ESRRB: variants seen among roughly 807,000 people sequenced by gnomAD.
ESRRB encodes estrogen related receptor beta, also known as steroid hormone receptor ERR2.
Under a neutral mutation model 46.0 loss-of-function variants are expected in ESRRB, and 16 were observed. The observed-to-expected ratio is 0.35, with a 90% CI of 0.24 to 0.53. The LOEUF (loss-of-function observed/expected upper bound fraction) is 0.53. Ranked by LOEUF, ESRRB falls within the 20% of genes least tolerant of loss-of-function variation. ESRRB has a pLI of 0.93. For missense variants in ESRRB, 488 were observed against 607.4 expected, an observed-to-expected ratio of 0.80 and a Z score of 2.07; for synonymous variants, 246 against 259.6, an observed-to-expected ratio of 0.95 and a Z score of 0.50.
At chr14:76,322,629 C>T (rs1251441148) in intron 1 of ESRRB, among the ~76,000 whole-genome samples, 5 of 152,216 alleles carry the variant, frequency 3.3e-5, no homozygotes, top group East Asian at 1.9e-4. Flanking sequence ...TCACCTCTCC[C>T]ACCACCAATA....
chr14:76,498,587 G>C lies in ESRRB; in HGVS notation c.*129G>C. 2 of 1,436,594 alleles carry C rather than the reference G, an allele frequency of 1.4e-6. No homozygotes were observed. The highest frequency in any genetic ancestry group is 1.9e-6 in the Non-Finnish European group (2 of 1,075,594). The allele number at this position is 1,436,594 out of a possible 1,614,324, so 89.0% of individuals were successfully genotyped here. The stretch of plus-strand genomic sequence containing the variant: ...GGCTCTGAGCTGTCCCAGAGGCGGG[G>C]GTTTCTCACCTCCTGGCTGTGTGCA... On this transcript the variant is annotated 3_prime_UTR_variant, in exon 7 of 7. Coordinates refer to ENST00000644823, the MANE Select transcript of ESRRB (RefSeq NM_001379180.1).
At chr14:76,361,868 C>A (rs1331548926) in intron 1 of ESRRB, among the ~76,000 whole-genome samples, 1 of 152,190 alleles carries the variant, frequency 6.6e-6, no homozygotes, top group Non-Finnish European at 1.5e-5. Context: ...AGGTGCCGTG[C>A]TGCAGTCACA....
At chr14:76,337,471 T>A (rs762503109) in intron 1 of ESRRB, among the ~76,000 whole-genome samples, 4 of 152,096 alleles carry the variant, frequency 2.6e-5, no homozygotes, top group Non-Finnish European at 5.9e-5. Context: ...CACTCATACA[T>A]CGTGACTTCC....
At chr14:76,375,888 TC>T (rs1375815323), upstream of ESRRB, among the ~76,000 whole-genome samples, 10 of 97,578 alleles carry the variant, frequency 1.0e-4, no homozygotes, top group African/African-American at 4.1e-4. Context: ...GGTTGGACAT[TC>T]CCCCCCACCC....
At chr14:76,448,356 C>T (rs1170047658) in intron 2 of ESRRB, among the ~76,000 whole-genome samples, 1 of 140,688 alleles carries the variant, frequency 7.1e-6, no homozygotes, top group East Asian at 2.1e-4. Flanking sequence ...GAGACCGAGT[C>T]TCCCTCTTGT....
intron 2 of ESRRB, among the ~76,000 whole-genome samples, chr14:76,454,544 C>G (rs1380607094): frequency 6.6e-6 from 1 of 152,070 alleles, no homozygotes; most frequent in Admixed American, 6.5e-5. Context: ...GAGGAGCTGG[C>G]CAGGAGGACC....
chr14:76,320,652 C>G (rs1326531288), intron 1 of ESRRB, among the ~76,000 whole-genome samples: 1 of 152,196 alleles, frequency 6.6e-6, no homozygotes, highest in African/African-American at 2.4e-5. Context: ...AGCCCAGTGT[C>G]GACTTGGCTG....
intron 1 of ESRRB, among the ~76,000 whole-genome samples, chr14:76,413,878 TC>T (rs1230594357): frequency 1.7e-4 from 3 of 17,844 alleles, no homozygotes; most frequent in African/African-American, 7.4e-4. Context: ...CCCTGCACCG[TC>T]CCCCGCCCCT....
intron 1 of ESRRB, among the ~76,000 whole-genome samples, chr14:76,419,051 G>C (rs1211068457): frequency 6.7e-6 from 1 of 149,762 alleles, no homozygotes; most frequent in African/African-American, 2.5e-5. Context: ...GTTTCACTCT[G>C]TCACCCTGCC....
intron 3 of ESRRB, among the ~76,000 whole-genome samples, chr14:76,471,840 G>A (rs1889385869): frequency 6.6e-6 from 1 of 152,208 alleles, no homozygotes; most frequent in African/African-American, 2.4e-5. Flanking sequence ...AGGATGGCAA[G>A]TTGCCTTTAG....
chr14:76,433,360 G>T (rs1465199139), intron 1 of ESRRB, among the ~76,000 whole-genome samples: 2 of 152,138 alleles, frequency 1.3e-5, no homozygotes, highest in East Asian at 3.9e-4. Context: ...GGAGAGAAGT[G>T]GGGGCGGTGA....
intron 2 of ESRRB, among the ~76,000 whole-genome samples, chr14:76,455,408 T>C (rs1420757935): frequency 6.6e-6 from 1 of 152,172 alleles, no homozygotes; most frequent in Non-Finnish European, 1.5e-5. Flanking sequence ...TTATGGAAGA[T>C]GAGTTAGCTC....
chr14:76,469,951 T>TTTTTTTTTTTTTTTTTTTTTTTC (rs1889311379), intron 3 of ESRRB, among the ~76,000 whole-genome samples: 1 of 133,368 alleles, frequency 7.5e-6, no homozygotes, highest in African/African-American at 3.0e-5. Flanking sequence ...TTTCTTTTTT[T>TTTTTTTTTTTTTTTTTTTTTTTC]TTTTTTTTTT....
intron 3 of ESRRB, among the ~76,000 whole-genome samples, chr14:76,475,964 A>G (rs1185559891): frequency 6.6e-6 from 1 of 152,278 alleles, no homozygotes. Flanking sequence ...TAATGGTAAC[A>G]TCTTAAAAAA....
At chr14:76,412,304 C>T (rs970425819) in intron 1 of ESRRB, among the ~76,000 whole-genome samples, 60 of 152,322 alleles carry the variant, frequency 3.9e-4, no homozygotes, top group African/African-American at 1.4e-3. Context: ...TCATGTTCTT[C>T]AGTACCTCAG....
chr14:76,313,903 C>A (rs1883767683), intron 1 of ESRRB, among the ~76,000 whole-genome samples: 1 of 152,154 alleles, frequency 6.6e-6, no homozygotes, highest in African/African-American at 2.4e-5. Context: ...TAATCTAATT[C>A]AATCCTCAGC....
chr14:76,337,996 A>G (rs1884147689), intron 1 of ESRRB, among the ~76,000 whole-genome samples: 1 of 152,134 alleles, frequency 6.6e-6, no homozygotes, highest in Non-Finnish European at 1.5e-5. Context: ...GGCAGGTTTT[A>G]TTCCCGAGCT....
At chr14:76,354,220 A>G (rs1298743100) in intron 1 of ESRRB, among the ~76,000 whole-genome samples, 4 of 28,316 alleles carry the variant, frequency 1.4e-4, no homozygotes, top group African/African-American at 9.4e-4. Flanking sequence ...AGGGTCCTCT[A>G]CCCGCCCCCC....
chr14:76,490,172 G>A (rs776555464), intron 5 of ESRRB, among the ~76,000 whole-genome samples: 13 of 152,228 alleles, frequency 8.5e-5, no homozygotes, highest in African/African-American at 1.2e-4. Flanking sequence ...CTTTGTGGAT[G>A]CCCTTCCTTC....
Sources: gnomAD v4.1 joint callset for allele counts (sites outside exome capture counted in the v4.1 genomes callset) on GRCh38, gnomAD v4.1.1 for gene constraint, MANE v1.5 for transcripts, NCBI Gene and HGNC (gene_info 2026-07-23, HGNC 2026-07-21) for gene names.